The following LRRTM4 variants were observed in gnomAD, a reference collection of about 807,000 sequenced individuals.
LRRTM4 encodes leucine-rich repeat transmembrane neuronal protein 4.
Under a neutral mutation model 47.6 loss-of-function variants are expected in LRRTM4, and 25 were observed. The ratio of observed to expected loss-of-function variants is 0.53; its 90% CI spans 0.38 to 0.73. The LOEUF (loss-of-function observed/expected upper bound fraction) is 0.73. Among genes scored for constraint, LRRTM4 ranks in the 30% least tolerant of loss-of-function variants. The pLI is 0.00. For missense variants in LRRTM4, 638 were observed against 713.4 expected (o/e 0.89, Z 1.20); for synonymous variants, 311 against 269.5 (o/e 1.15, Z -1.51).
chr2:77,431,278 A>G (rs1558740508), intron 3 of LRRTM4, among the ~76,000 whole-genome samples: 1 of 148,288 alleles, frequency 6.7e-6, no homozygotes, highest in East Asian at 1.9e-4. Flanking sequence ...TTTTTTGCTC[A>G]GAGTTCTGGA....
At chr2:77,514,260 C>T (rs1030709188) in intron 3 of LRRTM4, among the ~76,000 whole-genome samples, 1 of 152,018 alleles carries the variant, frequency 6.6e-6, no homozygotes, top group African/African-American at 2.4e-5. Flanking sequence ...GTAACTGGGT[C>T]TGCTTTCCTT....
rs386390525 is a variant in LRRTM4, at chr2:77,083,783, CTT to C, written c.1552-334869_1552-334868del. On this transcript the variant is annotated intron_variant, in intron 3 of 3. Transcript: ENST00000409884. ...ACTTCTCAATTTTTAACTGGACACA[CTT>C]TTTTTTTTTTTTTTTTTTTTTTTTT... Among the ~76,000 whole-genome samples, 23 of 52,402 alleles carry C rather than the reference CTT, an allele frequency of 4.4e-4. 2 individuals are homozygous for C. Among genetic ancestry groups the C allele is most frequent in the African/African-American group, 7.4e-4 (13 of 17,534 alleles). 34.4% of individuals were successfully genotyped at this position (52,402 alleles called of 152,430 possible).
chr2:76,808,446 A>G (rs915003681), intron 3 of LRRTM4, among the ~76,000 whole-genome samples: 24 of 24,008 alleles, frequency 1.0e-3, no homozygotes, highest in African/African-American at 2.3e-3. Context: ...TGATTTTGGG[A>G]AAAAAAAAAA....
intron 3 of LRRTM4, among the ~76,000 whole-genome samples, chr2:77,435,514 A>G (rs1319859169): frequency 2.6e-5 from 4 of 152,218 alleles, no homozygotes; most frequent in African/African-American, 7.2e-5. Context: ...AATGATTATA[A>G]TGATAACATT....
chr2:76,820,026 C>T (rs1173974248), intron 3 of LRRTM4, among the ~76,000 whole-genome samples: 1 of 151,876 alleles, frequency 6.6e-6, no homozygotes, highest in Non-Finnish European at 1.5e-5. Flanking sequence ...TTACAGATAT[C>T]CACCCCCAGT....
chr2:76,949,319 G>A (rs75607831), intron 3 of LRRTM4, among the ~76,000 whole-genome samples: 2,078 of 151,946 alleles, frequency 0.014, 35 homozygotes, highest in African/African-American at 0.046. Context: ...AGTATATGAA[G>A]AAGTATGAAG....
At chr2:76,901,588 C>G (rs1413413765) in intron 3 of LRRTM4, among the ~76,000 whole-genome samples, 1 of 151,924 alleles carries the variant, frequency 6.6e-6, no homozygotes, top group South Asian at 2.1e-4. Flanking sequence ...TCTCTAAGCA[C>G]TGTAAAAAAA....
At chr2:76,895,577 T>C (rs1673385993) in intron 3 of LRRTM4, among the ~76,000 whole-genome samples, 1 of 152,012 alleles carries the variant, frequency 6.6e-6, no homozygotes, top group Admixed American at 6.6e-5. Flanking sequence ...CTGCTAGAGA[T>C]TTAAATATTC....
At chr2:77,255,883 A>T (rs1675751958) in intron 3 of LRRTM4, among the ~76,000 whole-genome samples, 2 of 152,050 alleles carry the variant, frequency 1.3e-5, no homozygotes, top group Admixed American at 6.6e-5. Context: ...AGCAAAATAA[A>T]CCCAAAGTAT....
At chr2:76,888,579 A>G (rs892656342) in intron 3 of LRRTM4, among the ~76,000 whole-genome samples, 2 of 151,828 alleles carry the variant, frequency 1.3e-5, no homozygotes, top group African/African-American at 4.8e-5. Context: ...CAAGTAAAAA[A>G]ATTAATAGAT....
chr2:76,780,564 T>C (rs1674317086), intron 3 of LRRTM4, among the ~76,000 whole-genome samples: 1 of 152,098 alleles, frequency 6.6e-6, no homozygotes, highest in Non-Finnish European at 1.5e-5. Context: ...CTCCTGAGGC[T>C]TCTGCATTCT....
chr2:77,142,430 TACACACAC>T (rs71381264), intron 3 of LRRTM4, among the ~76,000 whole-genome samples: 3,103 of 145,298 alleles, frequency 0.021, 92 homozygotes, highest in African/African-American at 0.055. Context: ...CACACACACA[TACACACAC>T]ACACACACAC....
intron 3 of LRRTM4, among the ~76,000 whole-genome samples, chr2:76,836,144 T>C (rs1671505449): frequency 8.7e-6 from 1 of 114,644 alleles, no homozygotes; most frequent in South Asian, 3.2e-4. Flanking sequence ...AGTCTCAAGA[T>C]ATTATAGTAT....
intron 3 of LRRTM4, among the ~76,000 whole-genome samples, chr2:76,844,298 C>A (rs929538274): frequency 9.9e-5 from 15 of 151,776 alleles, no homozygotes; most frequent in Admixed American, 3.3e-4. Context: ...CCACGCCCGG[C>A]TAATTTTTTT....
intron 3 of LRRTM4, among the ~76,000 whole-genome samples, chr2:77,512,662 C>T (rs888122513): frequency 3.9e-5 from 6 of 152,078 alleles, no homozygotes; most frequent in African/African-American, 1.4e-4. Flanking sequence ...TACTGAGCAA[C>T]TCCTAAAGCA....
chr2:77,069,399 C>CTGTGTG (rs1553381576), intron 3 of LRRTM4, among the ~76,000 whole-genome samples: 9 of 123,576 alleles, frequency 7.3e-5, no homozygotes, highest in African/African-American at 3.1e-4. Flanking sequence ...CTACATTTCA[C>CTGTGTG]TATGTGTGTG....
intron 3 of LRRTM4, among the ~76,000 whole-genome samples, chr2:77,481,378 A>G (rs1008219218): frequency 1.3e-5 from 2 of 152,194 alleles, no homozygotes; most frequent in South Asian, 4.1e-4. Flanking sequence ...CTTCTTAACA[A>G]TGAATAATAC....
chr2:77,342,352 A>T (rs1187538383), intron 3 of LRRTM4, among the ~76,000 whole-genome samples: 1 of 151,868 alleles, frequency 6.6e-6, no homozygotes, highest in Non-Finnish European at 1.5e-5. Context: ...ATTACTAGTG[A>T]GTAGAGGCCA....
intron 3 of LRRTM4, among the ~76,000 whole-genome samples, chr2:76,877,379 T>A (rs1203040237): frequency 1.1e-5 from 1 of 93,954 alleles, no homozygotes; most frequent in Non-Finnish European, 2.2e-5. Context: ...TTTCTGAGAT[T>A]TTTTTTTTCA....
Sources: allele counts gnomAD v4.1 joint callset (sites outside exome capture counted in the v4.1 genomes callset), GRCh38; gene constraint gnomAD v4.1.1; transcripts MANE v1.5; gene names NCBI Gene and HGNC (gene_info 2026-07-23, HGNC 2026-07-21).